The following DIP2B variants were observed in gnomAD, a reference collection of about 807,000 sequenced individuals.
DIP2B encodes the protein disco-interacting protein 2 homolog B.
Under a neutral mutation model 198.0 loss-of-function variants are expected in DIP2B, and 76 were observed. That is an observed-to-expected ratio of 0.38 (90% confidence interval 0.32 to 0.46). The LOEUF (loss-of-function observed/expected upper bound fraction) is 0.46. Ranked by LOEUF, DIP2B falls within the 20% of genes least tolerant of loss-of-function variation. DIP2B has a pLI of 0.99. For synonymous variants in DIP2B, 701 were observed against 739.1 expected, an observed-to-expected ratio of 0.95 and a Z score of 0.84; for missense variants, 1,559 against 1,978.4, an observed-to-expected ratio of 0.79 and a Z score of 4.02.
At chr12:50,666,625 T>G (rs1218726280) in intron 4 of DIP2B, among the ~76,000 whole-genome samples, 2 of 152,124 alleles carry the variant, frequency 1.3e-5, no homozygotes, top group African/African-American at 4.8e-5. Flanking sequence ...ACTATAATGA[T>G]AAAACCTTGG....
intron 1 of DIP2B, among the ~76,000 whole-genome samples, chr12:50,575,302 A>C (rs1223737225): frequency 2.0e-5 from 3 of 151,922 alleles, no homozygotes; most frequent in African/African-American, 7.3e-5. Context: ...CTTGCCTTTT[A>C]TTTTGTGATA....
chr12:50,716,717 T>A (rs888090893), intron 23 of DIP2B, among the ~76,000 whole-genome samples: 2 of 152,210 alleles, frequency 1.3e-5, no homozygotes, highest in Non-Finnish European at 2.9e-5. Context: ...ATTTTTAATA[T>A]TAATCCAGTA....
intron 37 of DIP2B, among the ~76,000 whole-genome samples, chr12:50,742,167 G>A (rs1358277632): frequency 6.6e-6 from 1 of 151,950 alleles, no homozygotes; most frequent in African/African-American, 2.4e-5. Context: ...GGAGGCCAAG[G>A]CGGGCGGATC....
Position 50,686,644 on chromosome 12 carries a change from C to T in DIP2B, c.1513C>T (p.His505Tyr), listed in dbSNP as rs1939135553. Residue 505 changes from histidine to tyrosine, a missense_variant, in exon 12 of 38, where the codon CAC becomes TAC. His to Tyr is a moderately conservative substitution (Grantham distance 83). Coordinates refer to ENST00000301180, the MANE Select transcript of DIP2B (RefSeq NM_173602.3). ...AAAGCCACCGAAAGACTGGCAGCCA[C>T]ACATCTCACCTGCTGGGACAGAACC... is the stretch of plus-strand genomic sequence containing the variant. The part of the protein sequence containing the change: ...LSKPPKDWQP[H>Y]ISPAGTEPAY... 5 of 1,613,934 alleles carry T rather than the reference C, an allele frequency of 3.1e-6. No individual in the cohort carries two copies. Among genetic ancestry groups the T allele is most frequent in the Non-Finnish European group, 4.2e-6 (5 of 1,180,010 alleles).
At chr12:50,678,532 C>A in intron 7 of DIP2B, 147 bp from the exon 8 acceptor site, 1 of 834,208 alleles carries the variant, frequency 1.2e-6, no homozygotes, top group Non-Finnish European at 1.8e-6. Context: ...AGTTTGTGGA[C>A]CACCATTTCT....
At chr12:50,564,919 T>G (rs1958550488) in intron 1 of DIP2B, among the ~76,000 whole-genome samples, 1 of 152,198 alleles carries the variant, frequency 6.6e-6, no homozygotes, top group African/African-American at 2.4e-5. Context: ...GAGTCCATCA[T>G]TATATATGAC....
intron 19 of DIP2B, among the ~76,000 whole-genome samples, chr12:50,700,651 A>G (rs551732161): frequency 6.6e-6 from 1 of 152,230 alleles, no homozygotes; most frequent in African/African-American, 2.4e-5. Flanking sequence ...TGTTTACCCA[A>G]CCTAAAATGG....
Position 50,674,634 on chromosome 12 carries a change from G to A in DIP2B, c.796+5G>A. On this transcript the variant is annotated splice_donor_5th_base_variant and intron_variant, in intron 6 of 37. Coordinates refer to ENST00000301180, the MANE Select transcript of DIP2B (RefSeq NM_173602.3). ...GCCTTATGGATACAGCTGATGGTAA[G>A]GAGTTGTTTTTGGTAGCTCAATTGT... 5.6e-6 allele frequency: 9 copies of A among 1,613,934 alleles called. No homozygotes were observed. In the South Asian group the frequency reaches 9.9e-5, roughly 18 times the overall value.
At position 50,686,649 on chromosome 12, in the gene DIP2B, C is replaced by G. The variant is rs779488341; in HGVS notation, c.1518C>G (p.Ile506Met). The G allele has an allele frequency of 1.9e-6, 3 of 1,614,124 alleles. No individual in the cohort carries two copies. The highest frequency in any genetic ancestry group is 2.5e-6 in the Non-Finnish European group (3 of 1,180,014). The change falls in exon 12 of 38, where the codon ATC (isoleucine) becomes ATG (methionine). Residue 506 changes from isoleucine to methionine, a missense_variant. Coordinates refer to ENST00000301180, the MANE Select transcript of DIP2B (RefSeq NM_173602.3). ...SKPPKDWQPH[I>M]SPAGTEPAYI... The stretch of plus-strand genomic sequence containing the variant: ...CACCGAAAGACTGGCAGCCACACAT[C>G]TCACCTGCTGGGACAGAACCGGCAT...
chr12:50,653,446 G>A (rs1423377874), intron 3 of DIP2B, among the ~76,000 whole-genome samples: 1 of 128,278 alleles, frequency 7.8e-6, no homozygotes. Flanking sequence ...CCTCAACCCC[G>A]CCCCTACCCC....
rs993162765 is a variant in DIP2B, at chr12:50,557,445, C to A, written c.100+52205C>A. Among the ~76,000 whole-genome samples the A allele has an allele frequency of 2.0e-5, 3 of 152,166 alleles. No individual in the cohort carries two copies. The South Asian group carries it at 6.2e-4, about 31-fold the overall frequency. Reference sequence around the variant, plus strand: ...TCCACTTTGGGGCGGGCACCATCCCCTCCATGTCTTCTTAGATTGTTAGAT... The same window carrying A: ...TCCACTTTGGGGCGGGCACCATCCCATCCATGTCTTCTTAGATTGTTAGAT... On this transcript the variant is annotated intron_variant, in intron 1 of 37. Coordinates refer to ENST00000301180, the MANE Select transcript of DIP2B (RefSeq NM_173602.3).
intron 1 of DIP2B, among the ~76,000 whole-genome samples, chr12:50,540,727 T>C (rs898276708): frequency 3.3e-5 from 5 of 151,334 alleles, no homozygotes; most frequent in Non-Finnish European, 4.4e-5. Flanking sequence ...TTTTTGTATT[T>C]TTTAGTAGAG....
intron 1 of DIP2B, among the ~76,000 whole-genome samples, chr12:50,602,172 GT>G (rs1188463443): frequency 6.6e-6 from 1 of 152,190 alleles, no homozygotes; most frequent in Non-Finnish European, 1.5e-5. Context: ...AGAACGAGAT[GT>G]AGCAGGGCCT....
chr12:50,545,105 C>T (rs953767053), intron 1 of DIP2B, among the ~76,000 whole-genome samples: 2 of 151,904 alleles, frequency 1.3e-5, no homozygotes, highest in Admixed American at 6.6e-5. Context: ...TTGGCTTTTG[C>T]GAATGTTTTG....
intron 37 of DIP2B, among the ~76,000 whole-genome samples, chr12:50,744,135 G>T: frequency 6.6e-6 from 1 of 152,138 alleles, no homozygotes. Context: ...CTGAGTAGCT[G>T]GGACTACGGG....
intron 1 of DIP2B, among the ~76,000 whole-genome samples, chr12:50,505,591 G>T (rs1469835585): frequency 6.6e-6 from 1 of 152,174 alleles, no homozygotes; most frequent in Non-Finnish European, 1.5e-5. Context: ...GCTGCGAGGA[G>T]GGTGGCTGAC....
chr12:50,510,952 T>TTC (rs1229542843), intron 1 of DIP2B, among the ~76,000 whole-genome samples: 17 of 148,736 alleles, frequency 1.1e-4, no homozygotes, highest in Non-Finnish European at 2.2e-4. Flanking sequence ...GCTTTCTTTT[T>TTC]TTTTTTTTTT....
At chr12:50,617,363 GC>G in intron 1 of DIP2B, among the ~76,000 whole-genome samples, 1 of 151,818 alleles carries the variant, frequency 6.6e-6, no homozygotes, top group Non-Finnish European at 1.5e-5. Flanking sequence ...CACCGTGTTA[GC>G]CAGGATGGTC....
chr12:50,679,894 T>G (rs1592124356), intron 8 of DIP2B: 1 of 152,332 alleles, frequency 6.6e-6, no homozygotes, highest in Non-Finnish European at 1.5e-5. Context: ...TTTCCTCAAG[T>G]GTCTGATACC....
Sources: gnomAD v4.1 joint callset for allele counts (sites outside exome capture counted in the v4.1 genomes callset) on GRCh38, gnomAD v4.1.1 for gene constraint, MANE v1.5 for transcripts, NCBI Gene and HGNC (gene_info 2026-07-23, HGNC 2026-07-21) for gene names.